The following SLC15A5 variants were observed in gnomAD, a reference collection of about 807,000 sequenced individuals.
SLC15A5 encodes the protein solute carrier family 15 member 5.
A neutral mutation model predicts 56.1 loss-of-function variants in SLC15A5; 58 were observed. The ratio of observed to expected loss-of-function variants is 1.03; its 90% CI spans 0.84 to 1.29. The LOEUF is 1.29. Ranked by LOEUF, SLC15A5 falls within the 50% of genes most tolerant of loss-of-function variation. The pLI, the probability that SLC15A5 is intolerant of heterozygous loss-of-function variation, is 0.00. For synonymous variants in SLC15A5, 264 were observed against 250.5 expected, an observed-to-expected ratio of 1.05 and a Z score of -0.51; for missense variants, 681 against 672.1, an observed-to-expected ratio of 1.01 and a Z score of -0.15.
intron 7 of SLC15A5, among the ~76,000 whole-genome samples, chr12:16,202,274 G>A (rs947975770): frequency 1.3e-5 from 2 of 152,046 alleles, no homozygotes; most frequent in Admixed American, 1.3e-4. Flanking sequence ...ATAGCTAATC[G>A]AAAATTGGGC....
At chr12:16,248,674 CTTCCTTGGAT>C (rs1379045278) in intron 3 of SLC15A5, among the ~76,000 whole-genome samples, 5 of 152,230 alleles carry the variant, frequency 3.3e-5, no homozygotes, top group African/African-American at 1.2e-4. Context: ...CATCATACCA[CTTCCTTGGAT>C]TAATCCATTA....
At chr12:16,253,362 A>G (rs962349993) in intron 3 of SLC15A5, among the ~76,000 whole-genome samples, 11 of 152,102 alleles carry the variant, frequency 7.2e-5, no homozygotes, top group African/African-American at 2.7e-4. Context: ...GGAATGGGGG[A>G]AAATAATTGC....
chr12:16,265,855 T>C (rs150477415), intron 2 of SLC15A5, among the ~76,000 whole-genome samples: 120 of 152,338 alleles, frequency 7.9e-4, no homozygotes, highest in African/African-American at 2.6e-3. Context: ...TTTTCATTTA[T>C]AGATTGTGAA....
At chr12:16,194,063 A>G (rs1401307873) in intron 8 of SLC15A5, among the ~76,000 whole-genome samples, 2 of 152,036 alleles carry the variant, frequency 1.3e-5, no homozygotes, top group East Asian at 1.9e-4. Context: ...CGTTCTTATT[A>G]TCGATAAGCT....
intron 7 of SLC15A5, among the ~76,000 whole-genome samples, chr12:16,203,994 C>G (rs1406234008): frequency 6.6e-6 from 1 of 151,994 alleles, no homozygotes; most frequent in Non-Finnish European, 1.5e-5. Context: ...ATGATAATTT[C>G]AACAAGAAAT....
chr12:16,263,259 C>G (rs80202473), intron 2 of SLC15A5, among the ~76,000 whole-genome samples: 1 of 152,046 alleles, frequency 6.6e-6, no homozygotes, highest in African/African-American at 2.4e-5. Context: ...GAAACTGGAA[C>G]AAAGGTGACT....
At chr12:16,212,905 GA>G (rs1170628930) in intron 7 of SLC15A5, among the ~76,000 whole-genome samples, 1 of 152,052 alleles carries the variant, frequency 6.6e-6, no homozygotes, top group Non-Finnish European at 1.5e-5. Flanking sequence ...TTAGAAAAAA[GA>G]ACTGTGAGGA....
At chr12:16,261,688 AC>A (rs550983710) in intron 2 of SLC15A5, among the ~76,000 whole-genome samples, 358 of 152,320 alleles carry the variant, frequency 2.4e-3, no homozygotes, top group African/African-American at 8.3e-3. Context: ...TTACATTATC[AC>A]AACATGTGTA....
intron 8 of SLC15A5, among the ~76,000 whole-genome samples, chr12:16,192,170 A>G (rs1863843821): frequency 6.6e-6 from 1 of 152,050 alleles, no homozygotes; most frequent in Admixed American, 6.6e-5. Context: ...GGTGGTGGGG[A>G]GTAAGTGCAG....
intron 3 of SLC15A5, among the ~76,000 whole-genome samples, chr12:16,254,138 G>T (rs866874885): frequency 6.6e-6 from 1 of 151,948 alleles, no homozygotes; most frequent in African/African-American, 2.4e-5. Context: ...TATCCATGTT[G>T]TAGCATGTGA....
At chr12:16,272,253 C>T (rs1203548756) in intron 2 of SLC15A5, among the ~76,000 whole-genome samples, 3 of 152,078 alleles carry the variant, frequency 2.0e-5, no homozygotes, top group South Asian at 4.1e-4. Context: ...AAGCAGAGTC[C>T]AGACTTCCAC....
At chr12:16,201,515 T>C (rs551700267) in intron 7 of SLC15A5, among the ~76,000 whole-genome samples, 41 of 152,240 alleles carry the variant, frequency 2.7e-4, no homozygotes, top group African/African-American at 9.6e-4. Context: ...AATCTCATCT[T>C]GAATTGTAAT....
At chr12:16,225,518 A>G (rs1193952123) in intron 5 of SLC15A5, among the ~76,000 whole-genome samples, 1 of 152,230 alleles carries the variant, frequency 6.6e-6, no homozygotes, top group Admixed American at 6.5e-5. Flanking sequence ...TGAACAGGCA[A>G]CCTACAGAAT....
At chr12:16,199,415 C>A (rs937246106) in intron 7 of SLC15A5, among the ~76,000 whole-genome samples, 2 of 151,702 alleles carry the variant, frequency 1.3e-5, no homozygotes, top group Non-Finnish European at 2.9e-5. Context: ...TCAGAACAGA[C>A]CCTCACCACA....
At chr12:16,251,718 C>G (rs1864520893) in intron 3 of SLC15A5, among the ~76,000 whole-genome samples, 1 of 151,860 alleles carries the variant, frequency 6.6e-6, no homozygotes, top group South Asian at 2.1e-4. Flanking sequence ...CCAGATGGAT[C>G]CACTGGAGAA....
At chr12:16,263,254 T>A (rs1864660170) in intron 2 of SLC15A5, among the ~76,000 whole-genome samples, 1 of 152,152 alleles carries the variant, frequency 6.6e-6, no homozygotes, top group Non-Finnish European at 1.5e-5. Context: ...ACTTGGAAAC[T>A]GGAACAAAGG....
At chr12:16,256,085 C>A (rs1864568873) in intron 3 of SLC15A5, among the ~76,000 whole-genome samples, 1 of 152,138 alleles carries the variant, frequency 6.6e-6, no homozygotes. Flanking sequence ...AATTCATAAT[C>A]ATAGTTTTTT....
At chr12:16,190,248 C>T (rs111369595) in intron 8 of SLC15A5, among the ~76,000 whole-genome samples, 5 of 152,282 alleles carry the variant, frequency 3.3e-5, no homozygotes, top group African/African-American at 1.2e-4. Flanking sequence ...TCTCCATCCC[C>T]AACCTCCAGA....
chr12:16,250,535 A>G (rs1864509533), intron 3 of SLC15A5, among the ~76,000 whole-genome samples: 1 of 152,070 alleles, frequency 6.6e-6, no homozygotes, highest in South Asian at 2.1e-4. Context: ...TGAGTTAAAC[A>G]AGATGAATAG....
Sources: allele counts gnomAD v4.1 joint callset (sites outside exome capture counted in the v4.1 genomes callset), GRCh38; gene constraint gnomAD v4.1.1; transcripts MANE v1.5; gene names NCBI Gene and HGNC (gene_info 2026-07-23, HGNC 2026-07-21).